REEP5: variants seen among roughly 807,000 people sequenced by gnomAD.
The protein encoded by REEP5 is receptor expression-enhancing protein 5.
A neutral mutation model predicts 22.4 loss-of-function variants in REEP5; 24 were observed. That is an observed-to-expected ratio of 1.07 (90% CI 0.78 to 1.51). The LOEUF (loss-of-function observed/expected upper bound fraction) is 1.51. Among genes scored for constraint, REEP5 ranks in the 40% most tolerant of loss-of-function variants. The probability of loss-of-function intolerance (pLI) is 0.00; values close to 1 mark genes in which losing one functional copy is unlikely to be tolerated. For synonymous variants in REEP5, 103 were observed against 88.6 expected, an observed-to-expected ratio of 1.16 and a Z score of -0.92; for missense variants, 252 against 233.0, an observed-to-expected ratio of 1.08 and a Z score of -0.53.
At chr5:112,883,651 T>A (rs2150034850) in intron 4 of REEP5, among the ~76,000 whole-genome samples, 1 of 152,318 alleles carries the variant, frequency 6.6e-6, no homozygotes, top group East Asian at 1.9e-4. Context: ...CCCAAATTTA[T>A]ATCTCCAGTC....
chr5:112,899,642 A>G (rs372635927), intron 3 of REEP5, among the ~76,000 whole-genome samples: 1 of 152,216 alleles, frequency 6.6e-6, no homozygotes, highest in African/African-American at 2.4e-5. Flanking sequence ...GCTGCCATGA[A>G]TATCTTTGTG....
At position 112,878,371 on chromosome 5, in the gene REEP5, CAG is replaced by C. The variant is rs1210798922; in HGVS notation, c.*413_*414del. ...GTGCACAAATACATTAAAAACATTT[CAG>C]AATTATATAAAATTGTACATTACAG... On this transcript the variant is annotated 3_prime_UTR_variant, in exon 5 of 5. Coordinates refer to ENST00000379638, the MANE Select transcript of REEP5 (RefSeq NM_005669.5). 1 of 165,302 alleles carries C rather than the reference CAG, an allele frequency of 6.0e-6. No individual in the cohort carries two copies. Among genetic ancestry groups the C allele is most frequent in the Non-Finnish European group, 1.3e-5 (1 of 75,962 alleles). The allele number at this position is 165,302 out of a possible 1,614,324, so 10.2% of individuals were successfully genotyped here.
Position 112,878,639 on chromosome 5 carries a change from A to G in REEP5, c.*147T>C, listed in dbSNP as rs1580724801. Reference sequence around the variant, plus strand: ...ATATATAGACAGTAAAAGTAAGCAAAGAAACTTACAACACATTCCAATCTT... The same window carrying G: ...ATATATAGACAGTAAAAGTAAGCAAGGAAACTTACAACACATTCCAATCTT... On this transcript the variant is annotated 3_prime_UTR_variant, in exon 5 of 5. Transcript: ENST00000379638. 8.4e-7 allele frequency: 1 copy of G among 1,190,014 alleles called. No individual in the cohort carries two copies. The highest frequency in any genetic ancestry group is 1.2e-6 in the Non-Finnish European group (1 of 855,930). The allele number at this position is 1,190,014 out of a possible 1,614,324, so 73.7% of individuals were successfully genotyped here.
At chr5:112,902,229 T>G (rs957035206) in intron 3 of REEP5, 151 bp downstream of exon 3, 35 of 822,960 alleles carry the variant, frequency 4.3e-5, no homozygotes, top group South Asian at 3.6e-4. Context: ...TTTTTGTTTT[T>G]TTTGAGACAG....
intron 3 of REEP5, chr5:112,895,675 TA>T (rs987604891): frequency 1.3e-5 from 2 of 152,190 alleles, no homozygotes; most frequent in African/African-American, 4.8e-5. Flanking sequence ...TTTCTTATGT[TA>T]AAAATAAAGT....
chr5:112,918,321 T>G (rs757923969), intron 2 of REEP5, among the ~76,000 whole-genome samples: 1 of 152,174 alleles, frequency 6.6e-6, no homozygotes, highest in Non-Finnish European at 1.5e-5. Flanking sequence ...TTCAACCATC[T>G]ACATGCTCCA....
intron 4 of REEP5, among the ~76,000 whole-genome samples, chr5:112,881,346 G>T (rs762180155): frequency 3.3e-5 from 5 of 151,992 alleles, no homozygotes; most frequent in African/African-American, 1.2e-4. Flanking sequence ...ACTTCCCCAT[G>T]GTCAGGCAAC....
chr5:112,915,379 C>T (rs932092778), intron 2 of REEP5, among the ~76,000 whole-genome samples: 9 of 152,124 alleles, frequency 5.9e-5, no homozygotes, highest in African/African-American at 1.9e-4. Flanking sequence ...GGCAAGCGGG[C>T]GAACCTTAAC....
Position 112,906,889 on chromosome 5 carries a change from T to C in REEP5, c.213-4371A>G, listed in dbSNP as rs543524976. Among the ~76,000 whole-genome samples, 180 of 152,240 alleles carry C rather than the reference T, an allele frequency of 1.2e-3. 1 individual carries two copies. Among genetic ancestry groups the C allele is most frequent in the Middle Eastern group, 6.8e-3 (2 of 294 alleles). ...TGGCCAGTTTGGGTATAATCAGCTG[T>C]AGCCAGAGGGCAGGCTACCCCTTTC... On this transcript the variant is annotated intron_variant, in intron 2 of 4. Coordinates refer to ENST00000379638, the MANE Select transcript of REEP5 (RefSeq NM_005669.5).
chr5:112,917,212 C>T (rs151051664), intron 2 of REEP5, among the ~76,000 whole-genome samples: 1 of 152,352 alleles, frequency 6.6e-6, no homozygotes, highest in Non-Finnish European at 1.5e-5. Flanking sequence ...CCATCATGCC[C>T]CGCCCCCTAA....
chr5:112,903,667 G>T (rs899498521), intron 2 of REEP5, among the ~76,000 whole-genome samples: 3 of 152,174 alleles, frequency 2.0e-5, no homozygotes, highest in Non-Finnish European at 4.4e-5. Flanking sequence ...ATCATGCTCA[G>T]TCACTCACTA....
At chr5:112,913,025 C>T (rs779178990) in intron 2 of REEP5, among the ~76,000 whole-genome samples, 6 of 152,116 alleles carry the variant, frequency 3.9e-5, no homozygotes, top group African/African-American at 7.2e-5. Context: ...AAAGACTGAC[C>T]GGGCACAGTG....
intron 2 of REEP5, among the ~76,000 whole-genome samples, chr5:112,920,363 C>A (rs905164396): frequency 6.6e-6 from 1 of 151,882 alleles, no homozygotes; most frequent in East Asian, 1.9e-4. Flanking sequence ...GTAGCAGAGA[C>A]CAACTGAATG....
At chr5:112,884,534 C>T (rs564441513) in intron 4 of REEP5, among the ~76,000 whole-genome samples, 3 of 152,020 alleles carry the variant, frequency 2.0e-5, no homozygotes, top group South Asian at 2.1e-4. Context: ...TGCATCACAA[C>T]GTCCGGCTAA....
intron 2 of REEP5, among the ~76,000 whole-genome samples, chr5:112,918,641 T>C (rs1769283512): frequency 6.6e-6 from 1 of 152,136 alleles, no homozygotes; most frequent in Non-Finnish European, 1.5e-5. Flanking sequence ...ATAAATCGTA[T>C]CATGTCACCC....
intron 3 of REEP5, chr5:112,897,590 CA>C (rs1338123381): frequency 6.6e-6 from 1 of 152,144 alleles, no homozygotes; most frequent in African/African-American, 2.4e-5. Context: ...GATGTCAGAG[CA>C]AAGCTCAGAA....
chr5:112,902,582 C>G, intron 2 of REEP5, 64 bp from the exon 3 acceptor site: 1 of 1,450,010 alleles, frequency 6.9e-7, no homozygotes, highest in Non-Finnish European at 9.3e-7. Context: ...TTTTCAAATA[C>G]ACTTTCATAA....
chr5:112,896,073 T>G (rs1768670853), intron 3 of REEP5: 1 of 152,644 alleles, frequency 6.6e-6, no homozygotes, highest in Non-Finnish European at 1.5e-5. Flanking sequence ...TAACATGCAG[T>G]TACGGAACTG....
At position 112,922,143 on chromosome 5, in the gene REEP5, C is replaced by T. The variant is rs759760526; in HGVS notation, c.48G>A (p.Lys16=). The T allele has an allele frequency of 1.2e-6, 2 of 1,607,704 alleles. No individual in the cohort carries two copies. Among genetic ancestry groups the T allele is most frequent in the Non-Finnish European group, 1.7e-6 (2 of 1,177,202 alleles). The change falls in exon 1 of 5, where the codon AAG becomes AAA. Residue 16 remains lysine, a synonymous_variant. Coordinates refer to ENST00000379638, the MANE Select transcript of REEP5 (RefSeq NM_005669.5). ...TGGCCAGAAGGTCAGTCATGCAGTT[C>T]TTCTCGTGCAGGAACCGGTCGAACC... ...RERFDRFLHE[K]NCMTDLLAKL...
Sources: gnomAD v4.1 joint callset for allele counts (sites outside exome capture counted in the v4.1 genomes callset) on GRCh38, gnomAD v4.1.1 for gene constraint, MANE v1.5 for transcripts, NCBI Gene and HGNC (gene_info 2026-07-23, HGNC 2026-07-21) for gene names.